ASTN2: variants seen among roughly 807,000 people sequenced by gnomAD.
ASTN2 encodes astrotactin-2.
ASTN2 carries 54 observed loss-of-function variants against 139.8 expected under a neutral mutation model. The ratio of observed to expected loss-of-function variants is 0.39; its 90% CI spans 0.31 to 0.48. The LOEUF is 0.48. Among genes scored for constraint, ASTN2 ranks in the 20% least tolerant of loss-of-function variants. The pLI is 0.95. For missense variants in ASTN2, 1,565 were observed against 1,725.1 expected, an observed-to-expected ratio of 0.91 and a Z score of 1.64; for synonymous variants, 756 against 719.5, an observed-to-expected ratio of 1.05 and a Z score of -0.81.
At chr9:116,898,542 G>A (rs1463366018) in intron 10 of ASTN2, among the ~76,000 whole-genome samples, 1 of 152,162 alleles carries the variant, frequency 6.6e-6, no homozygotes, top group African/African-American at 2.4e-5. Context: ...TCATGAAGCC[G>A]AGTGACCACA....
chr9:116,935,644 A>G (rs1835045507), intron 10 of ASTN2, among the ~76,000 whole-genome samples: 1 of 152,232 alleles, frequency 6.6e-6, no homozygotes, highest in Non-Finnish European at 1.5e-5. Context: ...ACAGGATTCA[A>G]ATTCCATTTC....
At chr9:117,260,376 C>T (rs570590160) in intron 2 of ASTN2, among the ~76,000 whole-genome samples, 43 of 152,224 alleles carry the variant, frequency 2.8e-4, no homozygotes, top group Non-Finnish European at 5.6e-4. Flanking sequence ...TACATCTCAC[C>T]GTTCCACTCT....
At chr9:117,280,416 TA>T (rs892938034) in intron 2 of ASTN2, among the ~76,000 whole-genome samples, 3 of 152,010 alleles carry the variant, frequency 2.0e-5, no homozygotes, top group African/African-American at 7.3e-5. Flanking sequence ...TGTAATTGAG[TA>T]AAAAAATCTT....
rs1445063220 is a variant in ASTN2, at chr9:117,214,686, G to A, written c.687C>T (p.Ala229=). Residue 229 remains alanine, a synonymous_variant, in exon 3 of 23, where the codon GCC becomes GCT. Coordinates refer to ENST00000313400, the MANE Select transcript of ASTN2 (RefSeq NM_001365068.1). The part of the protein sequence containing the change: ...LLLVFTVALY[A]QRRWQKRRRI... The stretch of plus-strand genomic sequence containing the variant: ...GGCGACGCTTCTGCCAACGTCGCTG[G>A]GCGTACAGCGCCACGGTGAACACCA... 4.5e-6 allele frequency: 7 copies of A among 1,539,912 alleles called. No individual in the cohort carries two copies. In the African/African-American group the frequency reaches 9.5e-5, roughly 21 times the overall value.
chr9:117,192,104 T>C (rs1831364682), intron 3 of ASTN2, among the ~76,000 whole-genome samples: 1 of 10,274 alleles, frequency 9.7e-5, no homozygotes, highest in African/African-American at 1.6e-4. Flanking sequence ...ATATCTTATT[T>C]TAGAGAGTGT....
chr9:116,950,915 T>C (rs1835540243), intron 10 of ASTN2, among the ~76,000 whole-genome samples: 1 of 152,222 alleles, frequency 6.6e-6, no homozygotes, highest in African/African-American at 2.4e-5. Context: ...AGATTCTTTC[T>C]GTTTCCTTTA....
At position 117,008,316 on chromosome 9, in the gene ASTN2, G is replaced by T; in HGVS notation, c.1424-57C>A. On this transcript the variant is annotated intron_variant, in intron 6 of 22. Coordinates refer to ENST00000313400, the MANE Select transcript of ASTN2 (RefSeq NM_001365068.1). The stretch of plus-strand genomic sequence containing the variant: ...TACTGATTTTAAGGTCTTAGCTGAT[G>T]CTACAGAACACAGAAAGGTGTGTAC... The T allele has an allele frequency of 2.1e-6, 3 of 1,459,906 alleles. No homozygotes were observed. The Admixed American group carries it at 6.8e-5, about 33-fold the overall frequency. The allele number at this position is 1,459,906 out of a possible 1,614,324, so 90.4% of individuals were successfully genotyped here. A position where few individuals can be genotyped will look rare whatever the true frequency, so the allele number is the denominator to read the frequency against.
At chr9:116,801,223 G>A (rs1830836594) in intron 13 of ASTN2, among the ~76,000 whole-genome samples, 1 of 152,140 alleles carries the variant, frequency 6.6e-6, no homozygotes, top group South Asian at 2.1e-4. Context: ...AGGCTTTCAG[G>A]AATGTGAAGG....
intron 17 of ASTN2, among the ~76,000 whole-genome samples, chr9:116,640,242 C>T (rs1857263960): frequency 6.6e-6 from 1 of 152,046 alleles, no homozygotes; most frequent in South Asian, 2.1e-4. Flanking sequence ...CTTCTATAAT[C>T]CCTTCCATTT....
At chr9:116,543,355 C>T (rs1257457799) in intron 19 of ASTN2, among the ~76,000 whole-genome samples, 1 of 151,242 alleles carries the variant, frequency 6.6e-6, no homozygotes, top group Non-Finnish European at 1.5e-5. Context: ...GAGGATCACC[C>T]AAGCCTAGGG....
Position 117,124,791 on chromosome 9 carries a change from CGA to C in ASTN2, c.1168+16533_1168+16534del, listed in dbSNP as rs1406862035. 2.8e-5 allele frequency among the ~76,000 whole-genome samples: 4 copies of C among 143,304 alleles called. No homozygotes were observed. In the East Asian group the frequency reaches 6.0e-4, roughly 22 times the overall value. The allele number at this position is 143,304 out of a possible 152,430, so 94.0% of individuals were successfully genotyped here. On this transcript the variant is annotated intron_variant, in intron 4 of 22. Coordinates refer to ENST00000313400, the MANE Select transcript of ASTN2 (RefSeq NM_001365068.1). ...CTGCATTCCAGCATGGGTGACATAG[CGA>C]GACCCTGCCACCATGAAAAAAAAAA...
intron 5 of ASTN2, among the ~76,000 whole-genome samples, chr9:117,047,606 C>T (rs1039667025): frequency 7.2e-5 from 11 of 152,178 alleles, no homozygotes; most frequent in Non-Finnish European, 1.6e-4. Context: ...CTTTGAATCT[C>T]ACTCTATGAG....
chr9:116,493,187 T>C (rs1849569816), intron 19 of ASTN2, among the ~76,000 whole-genome samples: 1 of 152,168 alleles, frequency 6.6e-6, no homozygotes, highest in African/African-American at 2.4e-5. Flanking sequence ...GTCTTGCATC[T>C]GAGCCCCATG....
At chr9:116,464,356 T>C (rs910004145) in intron 20 of ASTN2, among the ~76,000 whole-genome samples, 1 of 152,166 alleles carries the variant, frequency 6.6e-6, no homozygotes, top group African/African-American at 2.4e-5. Flanking sequence ...GGATTATTTG[T>C]TTGCTATTCA....
At chr9:117,128,058 T>G (rs117128647) in intron 4 of ASTN2, among the ~76,000 whole-genome samples, 1 of 151,924 alleles carries the variant, frequency 6.6e-6, no homozygotes, top group Non-Finnish European at 1.5e-5. Flanking sequence ...GAAGAAATCA[T>G]AGGGAGTGAA....
At chr9:116,489,404 T>C (rs2119092229) in intron 19 of ASTN2, among the ~76,000 whole-genome samples, 1 of 152,308 alleles carries the variant, frequency 6.6e-6, no homozygotes, top group East Asian at 1.9e-4. Flanking sequence ...TGGTGCAACC[T>C]CAGCTCATTG....
intron 10 of ASTN2, among the ~76,000 whole-genome samples, chr9:116,972,447 G>A (rs567285599): frequency 6.6e-5 from 10 of 151,262 alleles, no homozygotes; most frequent in South Asian, 2.1e-4. Flanking sequence ...GCTTCTATTC[G>A]TATTTTTGTA....
Position 116,534,146 on chromosome 9 carries a change from T to A in ASTN2, c.3356-46646A>T, listed in dbSNP as rs370886435. ...TTTTCTAGATTTTCTAGCTTATCTG[T>A]GTAGAGTTGTCTCTAGTATTCTCTG... On this transcript the variant is annotated intron_variant, in intron 19 of 22. Transcript: ENST00000313400. Among the ~76,000 whole-genome samples the A allele has an allele frequency of 1.2e-4, 18 of 152,278 alleles. No homozygotes were observed. In the South Asian group the frequency reaches 1.5e-3, roughly 12 times the overall value.
intron 17 of ASTN2, among the ~76,000 whole-genome samples, chr9:116,624,482 T>C (rs1856339186): frequency 6.6e-6 from 1 of 152,188 alleles, no homozygotes; most frequent in South Asian, 2.1e-4. Flanking sequence ...GTAATACACA[T>C]AGAAGGCTAT....
Sources: gnomAD v4.1 joint callset for allele counts (sites outside exome capture counted in the v4.1 genomes callset) on GRCh38, gnomAD v4.1.1 for gene constraint, MANE v1.5 for transcripts, NCBI Gene and HGNC (gene_info 2026-07-23, HGNC 2026-07-21) for gene names.